FARP2: variants seen among roughly 807,000 people sequenced by gnomAD.
The protein encoded by FARP2 is FERM, ARHGEF and pleckstrin domain-containing protein 2.
In FARP2, 111 loss-of-function variants were observed where a neutral mutation model predicts 130.5. That is an observed-to-expected ratio of 0.85 (90% CI 0.73 to 1.00). FARP2 has a LOEUF of 1.00. Among genes scored for constraint, FARP2 ranks in the 50% least tolerant of loss-of-function variants. The pLI is 0.00. For missense variants in FARP2, 1,385 were observed against 1,346.3 expected (o/e 1.03, Z -0.45); for synonymous variants, 504 against 516.9 (o/e 0.98, Z 0.34).
chr2:241,451,534 G>A (rs1479799742), intron 13 of FARP2, among the ~76,000 whole-genome samples: 2 of 152,166 alleles, frequency 1.3e-5, no homozygotes, highest in African/African-American at 2.4e-5. Context: ...TGTGTGGTCG[G>A]TGTGTCCTCC....
At chr2:241,429,748 A>G (rs2063045661) in intron 8 of FARP2, among the ~76,000 whole-genome samples, 3 of 152,148 alleles carry the variant, frequency 2.0e-5, no homozygotes, top group South Asian at 2.1e-4. Context: ...TTTACCTGAG[A>G]TGCCCATCTG....
chr2:241,381,389 C>A (rs1297104146), intron 2 of FARP2, among the ~76,000 whole-genome samples: 1 of 152,134 alleles, frequency 6.6e-6, no homozygotes, highest in African/African-American at 2.4e-5. Flanking sequence ...GAGAAGAGTT[C>A]ACAGGCTCTG....
chr2:241,491,114 C>G lies in FARP2; in HGVS notation c.2558C>G (p.Ala853Gly). The G allele has an allele frequency of 6.2e-7, 1 of 1,613,596 alleles. No individual in the cohort carries two copies. The highest frequency in any genetic ancestry group is 8.5e-7 in the Non-Finnish European group (1 of 1,180,010). The change falls in exon 23 of 27, where the codon GCA becomes GGA. Residue 853 changes from alanine (A) to glycine (G), a missense_variant. Physicochemically the swap from Ala to Gly is moderately conservative, Grantham distance 60. Coordinates refer to ENST00000264042, the MANE Select transcript of FARP2 (RefSeq NM_014808.4). ...WMLDLNSAIQ[A>G]AKSGGDTAPA... ...CTGGACCTGAACTCCGCGATCCAAG[C>G]AGCCAAGAGTGGCGGTGACACGGCC...
intron 15 of FARP2, among the ~76,000 whole-genome samples, chr2:241,462,902 C>T (rs1280075254): frequency 6.6e-6 from 1 of 152,102 alleles, no homozygotes; most frequent in East Asian, 1.9e-4. Flanking sequence ...GTTGGCCAGG[C>T]TGGTCCCAAA....
chr2:241,391,910 T>C (rs1023555332), intron 2 of FARP2, among the ~76,000 whole-genome samples: 1 of 152,142 alleles, frequency 6.6e-6, no homozygotes, highest in Non-Finnish European at 1.5e-5. Context: ...GGAAATTTAA[T>C]AGAAATAATG....
chr2:241,382,966 G>A (rs529297258), intron 2 of FARP2, among the ~76,000 whole-genome samples: 8 of 152,234 alleles, frequency 5.3e-5, no homozygotes, highest in Non-Finnish European at 1.0e-4. Flanking sequence ...ACATTGTGTT[G>A]GAAGTAAAAT....
chr2:241,474,555 C>T (rs912274531), intron 18 of FARP2, among the ~76,000 whole-genome samples: 1 of 151,538 alleles, frequency 6.6e-6, no homozygotes, highest in African/African-American at 2.4e-5. Flanking sequence ...CTTTGGGAGG[C>T]CAAGGTGAGT....
intron 9 of FARP2, among the ~76,000 whole-genome samples, chr2:241,433,931 G>A (rs950843440): frequency 1.3e-5 from 2 of 152,154 alleles, no homozygotes; most frequent in East Asian, 1.9e-4. Flanking sequence ...TAGGAGGGGA[G>A]CGGCTGAGGT....
At chr2:241,468,099 A>T in intron 17 of FARP2, 41 bp from the exon 18 acceptor site, 1 of 1,335,920 alleles carries the variant, frequency 7.5e-7, no homozygotes, top group Non-Finnish European at 1.1e-6. Flanking sequence ...CTGGACTCCT[A>T]CATCTCCTCA....
chr2:241,453,571 G>A (rs923447228), intron 13 of FARP2, among the ~76,000 whole-genome samples: 22 of 151,424 alleles, frequency 1.5e-4, no homozygotes, highest in African/African-American at 2.9e-4. Flanking sequence ...GCAGTGAGCC[G>A]AGATCGTGTC....
intron 2 of FARP2, among the ~76,000 whole-genome samples, chr2:241,403,197 T>G (rs1262007552): frequency 6.6e-6 from 1 of 151,950 alleles, no homozygotes; most frequent in Non-Finnish European, 1.5e-5. Flanking sequence ...CTTAAGACTT[T>G]AGCTTTTTAG....
chr2:241,457,032 C>G, intron 14 of FARP2, 110 bp downstream of exon 14: 1 of 994,328 alleles, frequency 1.0e-6, no homozygotes, highest in Non-Finnish European at 1.4e-6. Context: ...GGGAAGGGCT[C>G]TGCACTCACA....
In FARP2 at chr2:241,491,634, C is replaced by T. The variant is rs1262678359; in HGVS notation, c.2742C>T (p.Tyr914=). 1 of 1,613,274 alleles carries T rather than the reference C, an allele frequency of 6.2e-7. No individual in the cohort carries two copies. Among genetic ancestry groups the T allele is most frequent in the Non-Finnish European group, 8.5e-7 (1 of 1,179,746 alleles). The part of the protein sequence containing the change: ...RANTTMHVCW[Y]RNTSVSRADH... ...ACACCACAATGCACGTGTGCTGGTA[C>T]CGGAACACCAGCGTGTCCAGGGCAG... is the stretch of plus-strand genomic sequence containing the variant. Residue 914 remains tyrosine, a synonymous_variant, in exon 24 of 27, where the codon TAC becomes TAT. Transcript: ENST00000264042.
Position 241,491,021 on chromosome 2 carries a change from G to C in FARP2, c.2505-40G>C, listed in dbSNP as rs900800607. 3 of 1,489,186 alleles carry C rather than the reference G, an allele frequency of 2.0e-6. No individual in the cohort carries two copies. The African/African-American group carries it at 4.1e-5, about 21-fold the overall frequency. 92.2% of individuals were successfully genotyped at this position (1,489,186 alleles called of 1,614,324 possible). A position where few individuals can be genotyped will look rare whatever the true frequency, so the allele number is the denominator to read the frequency against. ...CCTTGAGGGCTGGGGCCCTACACAA[G>C]GAAGAGCAGAGCCACTGAGCCTTGC... On this transcript the variant is annotated intron_variant, in intron 22 of 26. Coordinates refer to ENST00000264042, the MANE Select transcript of FARP2 (RefSeq NM_014808.4).
intron 14 of FARP2, 103 bp from the exon 15 acceptor site, chr2:241,462,420 A>G: frequency 1.3e-6 from 1 of 750,494 alleles, no homozygotes; most frequent in Non-Finnish European, 2.4e-6. Flanking sequence ...TGACGATGTT[A>G]CCTTGAGCAG....
intron 17 of FARP2, among the ~76,000 whole-genome samples, chr2:241,464,221 G>C (rs1007486287): frequency 6.8e-6 from 1 of 147,276 alleles, no homozygotes; most frequent in Non-Finnish European, 1.5e-5. Flanking sequence ...ATCCCCCCCA[G>C]ACCAGGGTCC....
At chr2:241,402,967 G>C (rs13029876) in intron 2 of FARP2, among the ~76,000 whole-genome samples, 1 of 118,328 alleles carries the variant, frequency 8.5e-6, no homozygotes, top group Non-Finnish European at 1.6e-5. Context: ...CTGTACTCAA[G>C]AAATTCTCCT....
At chr2:241,394,022 C>G (rs951818001) in intron 2 of FARP2, among the ~76,000 whole-genome samples, 1 of 151,892 alleles carries the variant, frequency 6.6e-6, no homozygotes, top group Non-Finnish European at 1.5e-5. Context: ...GCGGGGTTTT[C>G]TTCCATTCTG....
At chr2:241,470,872 C>T (rs1011112560) in intron 18 of FARP2, among the ~76,000 whole-genome samples, 9 of 149,900 alleles carry the variant, frequency 6.0e-5, no homozygotes, top group African/African-American at 2.2e-4. Flanking sequence ...AGATGCTGTT[C>T]GCAGGGGGAT....
Sources: allele counts gnomAD v4.1 joint callset (sites outside exome capture counted in the v4.1 genomes callset), GRCh38; gene constraint gnomAD v4.1.1; transcripts MANE v1.5; gene names NCBI Gene and HGNC (gene_info 2026-07-23, HGNC 2026-07-21).